GLRB: variants seen among roughly 807,000 people sequenced by gnomAD.
The protein encoded by GLRB is glycine receptor beta.
A neutral mutation model predicts 54.2 loss-of-function variants in GLRB; 33 were observed. The observed-to-expected ratio is 0.61, with a 90% confidence interval of 0.46 to 0.81. The LOEUF (loss-of-function observed/expected upper bound fraction) is 0.81, where lower values mean the gene tolerates loss of function less well. GLRB is among the 40% of genes least tolerant of loss of function. GLRB has a pLI of 0.00. For missense variants in GLRB, 572 were observed against 584.6 expected, an observed-to-expected ratio of 0.98 and a Z score of 0.22; for synonymous variants, 209 against 208.2, an observed-to-expected ratio of 1.00 and a Z score of -0.03.
chr4:157,148,966 T>G (rs1013164736), intron 8 of GLRB, among the ~76,000 whole-genome samples: 1 of 152,112 alleles, frequency 6.6e-6, no homozygotes, highest in Non-Finnish European at 1.5e-5. Flanking sequence ...TTGGAAGGTC[T>G]GTTATTAGAC....
intron 4 of GLRB, among the ~76,000 whole-genome samples, chr4:157,135,380 G>A (rs545641032): frequency 4.8e-4 from 73 of 152,156 alleles, no homozygotes; most frequent in African/African-American, 1.6e-3. Flanking sequence ...CACCCAAATG[G>A]CATCTTGAAT....
chr4:157,156,922 C>T (rs1223871693), intron 9 of GLRB, among the ~76,000 whole-genome samples: 2 of 152,156 alleles, frequency 1.3e-5, no homozygotes, highest in African/African-American at 4.8e-5. Flanking sequence ...TCTGTTTTAA[C>T]TTGCTTTCTC....
At chr4:157,077,276 T>C (rs1344800087) in intron 1 of GLRB, among the ~76,000 whole-genome samples, 1 of 152,176 alleles carries the variant, frequency 6.6e-6, no homozygotes, top group African/African-American at 2.4e-5. Context: ...GTAACAACAC[T>C]TGTTTTATTT....
chr4:157,087,241 A>G (rs1342134633), intron 2 of GLRB, among the ~76,000 whole-genome samples: 2 of 152,098 alleles, frequency 1.3e-5, no homozygotes, highest in African/African-American at 2.4e-5. Flanking sequence ...TATTGTTTAA[A>G]ATTTACTTTG....
chr4:157,158,889 G>A (rs1044960383), intron 9 of GLRB, among the ~76,000 whole-genome samples: 1 of 108,808 alleles, frequency 9.2e-6, no homozygotes, highest in Non-Finnish European at 1.7e-5. Flanking sequence ...TTAGCTTGAT[G>A]GGATGGCATT....
At chr4:157,152,691 C>CT (rs756275806) in intron 8 of GLRB, 27 bp from the exon 9 acceptor site, 1 of 1,602,250 alleles carries the variant, frequency 6.2e-7, no homozygotes, top group Non-Finnish European at 8.6e-7. Context: ...TAAAAAGCAA[C>CT]TTTCATTCCT....
intron 2 of GLRB, among the ~76,000 whole-genome samples, chr4:157,113,981 C>T (rs1199087928): frequency 6.6e-6 from 1 of 151,690 alleles, no homozygotes; most frequent in Admixed American, 6.6e-5. Context: ...TAGGAAAATA[C>T]AAAAATAAAA....
intron 2 of GLRB, among the ~76,000 whole-genome samples, chr4:157,109,279 CTTTCTGGGA>C (rs746286450): frequency 6.6e-6 from 1 of 151,964 alleles, no homozygotes; most frequent in Non-Finnish European, 1.5e-5. Context: ...TTTTTGGGGG[CTTTCTGGGA>C]TTTCTGAATC....
At chr4:157,109,028 A>G (rs568134664) in intron 2 of GLRB, among the ~76,000 whole-genome samples, 45 of 152,234 alleles carry the variant, frequency 3.0e-4, no homozygotes, top group Middle Eastern at 3.4e-3. Context: ...TTTAAAATTA[A>G]GGTATGTTTA....
rs1339279986 is a variant in GLRB, at chr4:157,134,664, A to T, written c.298-1805A>T. The stretch of plus-strand genomic sequence containing the variant: ...ATTGGCAATATTTCTTGGCAGCAAC[A>T]CCCAAATAATACTGAAATGCTCTTG... On this transcript the variant is annotated intron_variant, in intron 4 of 9. Transcript: ENST00000264428. 5.9e-5 allele frequency among the ~76,000 whole-genome samples: 9 copies of T among 152,232 alleles called. No homozygotes were observed. The East Asian group carries it at 1.5e-3, about 26-fold the overall frequency.
intron 2 of GLRB, among the ~76,000 whole-genome samples, chr4:157,083,855 C>G (rs1347557753): frequency 6.6e-6 from 1 of 152,036 alleles, no homozygotes; most frequent in Non-Finnish European, 1.5e-5. Flanking sequence ...CCCAGAAAAA[C>G]TTTTCTCTTT....
intron 7 of GLRB, among the ~76,000 whole-genome samples, chr4:157,139,734 T>C (rs1736541723): frequency 6.6e-6 from 1 of 152,022 alleles, no homozygotes; most frequent in African/African-American, 2.4e-5. Context: ...ATGTAAATTA[T>C]TGCAGAATCC....
At chr4:157,170,203 A>T (rs1429369557) in intron 9 of GLRB, among the ~76,000 whole-genome samples, 1 of 152,048 alleles carries the variant, frequency 6.6e-6, no homozygotes, top group African/African-American at 2.4e-5. Flanking sequence ...GAAATAACCA[A>T]TCAAAAGTTC....
chr4:157,124,498 T>A (rs1394526193), intron 4 of GLRB, among the ~76,000 whole-genome samples: 1 of 151,832 alleles, frequency 6.6e-6, no homozygotes, highest in East Asian at 1.9e-4. Context: ...ACAGAAGACA[T>A]TAGGCACTCA....
chr4:157,102,806 T>C (rs2054108713), intron 2 of GLRB, among the ~76,000 whole-genome samples: 1 of 152,176 alleles, frequency 6.6e-6, no homozygotes, highest in Admixed American at 6.5e-5. Flanking sequence ...GTTACATGTA[T>C]CCCATGTTCA....
In GLRB at chr4:157,136,666, T is replaced by C. The variant is rs879849085; in HGVS notation, c.495T>C (p.Ile165=). Residue 165 remains isoleucine (I), a synonymous_variant, in exon 5 of 10, where the codon ATT becomes ATC. Coordinates refer to ENST00000264428, the MANE Select transcript of GLRB (RefSeq NM_000824.5). ...CCCAGGAAAACATCCTCCTCTTTATTTTTCGTGATGGAGATGTCCTTGTCA... is the reference window on the plus strand; with the variant it reads ...CCCAGGAAAACATCCTCCTCTTTATCTTTCGTGATGGAGATGTCCTTGTCA... ...DVTQENILLF[I]FRDGDVLVSM... is the part of the protein sequence containing the mutation. 1 of 1,611,246 alleles carries C rather than the reference T, an allele frequency of 6.2e-7. No homozygotes were observed.
At chr4:157,082,966 A>T (rs200319633) in intron 2 of GLRB, among the ~76,000 whole-genome samples, 3,735 of 82,680 alleles carry the variant, frequency 0.045, 100 homozygotes, top group African/African-American at 0.14. Context: ...ATAGTGTTTT[A>T]TATATATATA....
chr4:157,095,438 G>A (rs1167850347), intron 2 of GLRB, among the ~76,000 whole-genome samples: 1 of 152,150 alleles, frequency 6.6e-6, no homozygotes, highest in Non-Finnish European at 1.5e-5. Flanking sequence ...TAGACATCAG[G>A]AGAAAATATC....
chr4:157,159,191 G>A (rs1737366817), intron 9 of GLRB, among the ~76,000 whole-genome samples: 1 of 152,164 alleles, frequency 6.6e-6, no homozygotes, highest in African/African-American at 2.4e-5. Context: ...TGTATCCTGA[G>A]ACTTTGCTGA....
Sources: allele counts gnomAD v4.1 joint callset (sites outside exome capture counted in the v4.1 genomes callset), GRCh38; gene constraint gnomAD v4.1.1; transcripts MANE v1.5; gene names NCBI Gene and HGNC (gene_info 2026-07-23, HGNC 2026-07-21).